FAHD2B: variants seen among roughly 807,000 people sequenced by gnomAD.
FAHD2B encodes fumarylacetoacetate hydrolase domain containing 2B, also known as oxaloacetate tautomerase FAHD2B, mitochondrial.
FAHD2B carries 26 observed loss-of-function variants against 33.7 expected under a neutral mutation model. The ratio of observed to expected loss-of-function variants is 0.77; its 90% CI spans 0.57 to 1.07. The LOEUF (loss-of-function observed/expected upper bound fraction) is 1.07. Among genes scored for constraint, FAHD2B ranks in the 50% least tolerant of loss-of-function variants. The probability of loss-of-function intolerance (pLI) is 0.00; values close to 1 mark genes in which losing one functional copy is unlikely to be tolerated. For missense variants in FAHD2B, 272 were observed against 388.1 expected (o/e 0.70, Z 2.51); for synonymous variants, 108 against 150.9 (o/e 0.72, Z 2.08).
intron 5 of FAHD2B, 66 bp from the exon 6 acceptor site, chr2:97,085,927 A>G: frequency 6.2e-7 from 1 of 1,602,620 alleles, no homozygotes; most frequent in South Asian, 1.1e-5. Context: ...ACCTGTGGCA[A>G]GGGATCTCAA....
chr2:97,091,677 G>C lies in FAHD2B; in HGVS notation c.30C>G (p.Leu10=). The change falls in exon 3 of 9, where the codon CTC becomes CTG. Residue 10 remains leucine, a synonymous_variant. Transcript: ENST00000414820. ...ACTTCTGAGCCTGCAGCAGAGCTGT[G>C]AGTAATCTTCTTCTACCAGACACCA... MLVSGRRRL[L]TALLQAQKWP... is the part of the protein sequence containing the mutation. 2 of 1,613,218 alleles carry C rather than the reference G, an allele frequency of 1.2e-6. No homozygotes were observed. Among genetic ancestry groups the C allele is most frequent in the Non-Finnish European group, 1.7e-6 (2 of 1,179,488 alleles).
At chr2:97,084,715 G>A (rs2031851073) in intron 6 of FAHD2B, among the ~76,000 whole-genome samples, 1 of 152,122 alleles carries the variant, frequency 6.6e-6, no homozygotes, top group East Asian at 1.9e-4. Context: ...TTCAAAACCA[G>A]CCTGGGTAAC....
chr2:97,091,721 A>G lies in FAHD2B; in HGVS notation c.-6-9T>C, dbSNP rs1188476766. On this transcript the variant is annotated splice_polypyrimidine_tract_variant and intron_variant, in intron 2 of 8. Coordinates refer to ENST00000414820, the MANE Select transcript of FAHD2B (RefSeq NM_001320848.2). ...GACACCAGCATCAGAGCCTGCAGAG[A>G]AAAACACAGGATCCAGGAGATGGAG... is the stretch of plus-strand genomic sequence containing the variant. 16 of 1,604,136 alleles carry G rather than the reference A, an allele frequency of 1.0e-5. No homozygotes were observed. The highest frequency in any genetic ancestry group is 1.7e-5 in the Admixed American group (1 of 59,168).
At chr2:97,084,651 TA>T (rs2031845868) in intron 6 of FAHD2B, among the ~76,000 whole-genome samples, 1 of 152,102 alleles carries the variant, frequency 6.6e-6, no homozygotes, top group South Asian at 2.1e-4. Context: ...CTCACACCTG[TA>T]ATCATAGCAC....
chr2:97,089,749 C>G (rs1559138556), intron 4 of FAHD2B: 1 of 214,106 alleles, frequency 4.7e-6, no homozygotes, highest in Non-Finnish European at 9.4e-6. Flanking sequence ...CTGATGGAGT[C>G]TTAAGTAAAA....
At chr2:97,081,530 T>G, downstream of FAHD2B, 3 of 1,553,844 alleles carry the variant, frequency 1.9e-6, no homozygotes, top group Non-Finnish European at 2.6e-6. Context: ...GCAGGGCAGT[T>G]GGAGACAAGA....
intron 6 of FAHD2B, 23 bp downstream of exon 6, chr2:97,085,676 G>C (rs1230436230): frequency 6.2e-7 from 1 of 1,613,338 alleles, no homozygotes; most frequent in Admixed American, 1.7e-5. Flanking sequence ...GTAGGTACCA[G>C]GGGGCAGGGA....
rs1011244180 is a variant in FAHD2B, at chr2:97,090,052, T to G, written c.462+57A>C. On this transcript the variant is annotated intron_variant, in intron 4 of 8. Transcript: ENST00000414820. ...GGCTCCAGTAGGCTCAATACTGAGC[T>G]CAGAATGCCCTTGTGATGGGCCCAG... 13 of 1,510,172 alleles carry G rather than the reference T, an allele frequency of 8.6e-6. No individual in the cohort carries two copies. The African/African-American group carries it at 1.6e-4, about 19-fold the overall frequency. 93.5% of individuals were successfully genotyped at this position (1,510,172 alleles called of 1,614,324 possible).
At chr2:97,092,030 G>A in intron 1 of FAHD2B, 42 bp from the exon 2 acceptor site, 1 of 281,236 alleles carries the variant, frequency 3.6e-6, no homozygotes. Flanking sequence ...ACTCAGCCCT[G>A]CCATTCTCCC....
chr2:97,086,488 C>A (rs2031999926), intron 4 of FAHD2B: 1 of 438,268 alleles, frequency 2.3e-6, no homozygotes, highest in Admixed American at 3.7e-5. Context: ...ACTCTGGATA[C>A]TTTTAACAAA....
intron 1 of FAHD2B, among the ~76,000 whole-genome samples, chr2:97,093,094 T>C (rs1380056343): frequency 6.6e-6 from 1 of 151,988 alleles, no homozygotes; most frequent in Non-Finnish European, 1.5e-5. Flanking sequence ...CACTATTCCT[T>C]ACCACATGGT....
In FAHD2B at chr2:97,083,718, G is replaced by C. The variant is rs1236360758; in HGVS notation, c.*37C>G. On this transcript the variant is annotated 3_prime_UTR_variant, in exon 9 of 9. Coordinates refer to ENST00000414820, the MANE Select transcript of FAHD2B (RefSeq NM_001320848.2). ...CCCTGGGCTAGGCTGAGTGGGAGCA[G>C]ATGCCCTCATCCTATGTCGGGCCTG... is the stretch of plus-strand genomic sequence containing the variant. The C allele has an allele frequency of 5.6e-6, 9 of 1,613,908 alleles. No homozygotes were observed. Among genetic ancestry groups the C allele is most frequent in the Non-Finnish European group, 7.6e-6 (9 of 1,180,030 alleles).
chr2:97,083,186 T>C (rs552077059), downstream of FAHD2B: 19 of 1,605,218 alleles, frequency 1.2e-5, no homozygotes, highest in Admixed American at 1.7e-5. Context: ...AGGCTCCACC[T>C]ATCCCCTACT....
At chr2:97,083,486 T>C (rs2031739579), downstream of FAHD2B, 2 of 971,194 alleles carry the variant, frequency 2.1e-6, no homozygotes, top group African/African-American at 3.6e-5. Context: ...TTTTGGCGTA[T>C]GTGTGTGTAT....
At chr2:97,084,844 T>C (rs1342470680) in intron 6 of FAHD2B, among the ~76,000 whole-genome samples, 2 of 149,860 alleles carry the variant, frequency 1.3e-5, no homozygotes, top group African/African-American at 5.0e-5. Flanking sequence ...ACCCAGGAGG[T>C]TGAGGCTTCA....
chr2:97,085,773 T>C lies in FAHD2B; in HGVS notation c.611A>G (p.Gln204Arg). ...GTCGAAGGTTTTTCCCAGCAGCCAC[T>C]GTTTCCCATTGCGTCTTGTTAGCCA... Reference protein sequence around the residue: ...RDWLTRRNGKQWLLGKTFDTF... With the variant: ...RDWLTRRNGKRWLLGKTFDTF... Residue 204 changes from glutamine to arginine, a missense_variant, in exon 6 of 9, where the codon CAG becomes CGG. By Grantham distance (43) the Gln-to-Arg change is conservative. Transcript: ENST00000414820. 1 of 1,613,806 alleles carries C rather than the reference T, an allele frequency of 6.2e-7. No individual in the cohort carries two copies. The highest frequency in any genetic ancestry group is 8.5e-7 in the Non-Finnish European group (1 of 1,179,838).
intron 4 of FAHD2B, chr2:97,086,601 A>C (rs1574374485): frequency 5.9e-6 from 1 of 168,604 alleles, no homozygotes; most frequent in East Asian, 1.7e-4. Context: ...TAAGAGAAAG[A>C]TTGACATGCC....
chr2:97,091,798 G>A (rs2032364632), intron 2 of FAHD2B, 65 bp downstream of exon 2: 11 of 1,525,824 alleles, frequency 7.2e-6, no homozygotes, highest in South Asian at 1.3e-5. Flanking sequence ...TATAGCCCAA[G>A]GCCCTTTGCC....
downstream of FAHD2B, among the ~76,000 whole-genome samples, chr2:97,080,837 C>T (rs1265313358): frequency 1.3e-5 from 2 of 152,110 alleles, no homozygotes; most frequent in Non-Finnish European, 2.9e-5. Context: ...CCTTATTCTT[C>T]TTGTAGCAAT....
Sources: gnomAD v4.1 joint callset for allele counts (sites outside exome capture counted in the v4.1 genomes callset) on GRCh38, gnomAD v4.1.1 for gene constraint, MANE v1.5 for transcripts, NCBI Gene and HGNC (gene_info 2026-07-23, HGNC 2026-07-21) for gene names.